PHF24: variants seen among roughly 807,000 people sequenced by gnomAD.
PHF24 encodes the protein Galpha inhibitory interacting protein.
In PHF24, 25 loss-of-function variants were observed where a neutral mutation model predicts 42.6. The ratio of observed to expected loss-of-function variants is 0.59; its 90% CI spans 0.43 to 0.82. The LOEUF (loss-of-function observed/expected upper bound fraction) is 0.82, where lower values mean the gene tolerates loss of function less well. PHF24 is among the 40% of genes least tolerant of loss of function. The pLI is 0.00. For missense variants in PHF24, 470 were observed against 538.1 expected (o/e 0.87, Z 1.25); for synonymous variants, 185 against 204.8 (o/e 0.90, Z 0.83).
chr9:34,852,554 T>G, the PHF24 span, among the ~76,000 whole-genome samples: 1 of 152,244 alleles, frequency 6.6e-6, no homozygotes, highest in Non-Finnish European at 1.5e-5. Flanking sequence ...AAAGTATAGT[T>G]CATTGTCAGT....
the PHF24 span, among the ~76,000 whole-genome samples, chr9:34,764,721 T>C: frequency 1.3e-5 from 2 of 152,170 alleles, no homozygotes; most frequent in African/African-American, 4.8e-5. Flanking sequence ...TGATTTTAGT[T>C]ATTTCTTGCC....
At chr9:34,814,356 A>C in the PHF24 span, among the ~76,000 whole-genome samples, 1 of 152,226 alleles carries the variant, frequency 6.6e-6, no homozygotes, top group Non-Finnish European at 1.5e-5. Flanking sequence ...CAAGAATGCA[A>C]GGTTCTGACT....
chr9:34,697,383 G>A, the PHF24 span, among the ~76,000 whole-genome samples: 180 of 152,178 alleles, frequency 1.2e-3, 2 homozygotes, highest in Non-Finnish European at 1.6e-3. Flanking sequence ...GCAATGGCAC[G>A]ATCTCTGCTC....
At chr9:34,832,641 C>A in the PHF24 span, 1 of 1,540,442 alleles carries the variant, frequency 6.5e-7, no homozygotes, top group Non-Finnish European at 8.8e-7. Context: ...GGGGTTAATA[C>A]ACTCCAGAAA....
the PHF24 span, among the ~76,000 whole-genome samples, chr9:34,864,240 G>T: frequency 6.6e-6 from 1 of 152,152 alleles, no homozygotes; most frequent in Non-Finnish European, 1.5e-5. Context: ...TATTCAAAGG[G>T]ATAATAACAG....
At chr9:34,898,048 C>A in the PHF24 span, among the ~76,000 whole-genome samples, 1 of 152,096 alleles carries the variant, frequency 6.6e-6, no homozygotes, top group African/African-American at 2.4e-5. Flanking sequence ...TATATATATA[C>A]CACAGTTTCT....
chr9:34,892,888 C>T, the PHF24 span: 1 of 699,992 alleles, frequency 1.4e-6, no homozygotes, highest in South Asian at 1.5e-5. Flanking sequence ...TTAATTGTGA[C>T]AGTGTTGGAG....
At chr9:34,766,222 T>C in the PHF24 span, among the ~76,000 whole-genome samples, 3 of 152,234 alleles carry the variant, frequency 2.0e-5, no homozygotes, top group African/African-American at 7.2e-5. Context: ...GTGTTCTCTG[T>C]ATTTCCTGAA....
chr9:34,922,968 G>A, the PHF24 span: 42 of 1,179,404 alleles, frequency 3.6e-5, no homozygotes, highest in Non-Finnish European at 4.7e-5. Context: ...GCATGGCCTC[G>A]CCCCAGTCTA....
the PHF24 span, among the ~76,000 whole-genome samples, chr9:34,900,224 G>A: frequency 3.5e-5 from 5 of 144,500 alleles, no homozygotes; most frequent in African/African-American, 1.3e-4. Context: ...AGGAACTTTG[G>A]GAAAAAAGAG....
In PHF24 at chr9:34,976,116, T is replaced by C. The variant is rs370410913; in HGVS notation, c.565-36T>C. 2.4e-4 allele frequency: 361 copies of C among 1,506,688 alleles called. 2 individuals are homozygous for C. The South Asian group carries it at 3.5e-3, about 14-fold the overall frequency. 93.3% of individuals were successfully genotyped at this position (1,506,688 alleles called of 1,614,324 possible). On this transcript the variant is annotated intron_variant, in intron 3 of 7. Coordinates refer to ENST00000242315, the Ensembl canonical transcript of PHF24. ...TTGACCCTGGCCTTTCTTACTGGCC[T>C]GTATGGCCACCGACTCAGCTCTTCC... is the stretch of plus-strand genomic sequence containing the variant.
chr9:34,724,834 C>T, the PHF24 span: 596 of 1,548,370 alleles, frequency 3.8e-4, no homozygotes, highest in Admixed American at 7.5e-4. Context: ...TAGTGACTGC[C>T]GGGGCCAGGG....
At chr9:34,833,306 C>T in the PHF24 span, 1 of 1,551,416 alleles carries the variant, frequency 6.4e-7, no homozygotes, top group Non-Finnish European at 8.7e-7. Flanking sequence ...CATGTCCCCA[C>T]TGGGTTGTGA....
At chr9:34,905,025 G>A in the PHF24 span, among the ~76,000 whole-genome samples, 78 of 152,056 alleles carry the variant, frequency 5.1e-4, no homozygotes, top group African/African-American at 1.8e-3. Context: ...GGCCAGGTTC[G>A]TTGGAGTTAC....
chr9:34,762,012 C>G, the PHF24 span, among the ~76,000 whole-genome samples: 1 of 151,912 alleles, frequency 6.6e-6, no homozygotes, highest in Non-Finnish European at 1.5e-5. Flanking sequence ...CATGTCCCTA[C>G]AAAGGACATG....
At chr9:34,966,357 C>A (rs945167135) in intron 1 of PHF24, among the ~76,000 whole-genome samples, 1 of 152,118 alleles carries the variant, frequency 6.6e-6, no homozygotes. Flanking sequence ...GAGGCTGAGG[C>A]AGGGAATCAC....
At chr9:34,904,635 G>T in the PHF24 span, among the ~76,000 whole-genome samples, 3 of 151,094 alleles carry the variant, frequency 2.0e-5, no homozygotes, top group Non-Finnish European at 4.4e-5. Flanking sequence ...CTAGTATTTT[G>T]TTAAGGATTT....
the PHF24 span, among the ~76,000 whole-genome samples, chr9:34,791,589 A>G: frequency 2.0e-5 from 3 of 152,090 alleles, no homozygotes; most frequent in Non-Finnish European, 4.4e-5. Context: ...ATTTAAAAAA[A>G]AAAAAAAAGA....
chr9:34,701,225 G>A, the PHF24 span, among the ~76,000 whole-genome samples: 1 of 152,116 alleles, frequency 6.6e-6, no homozygotes, highest in Non-Finnish European at 1.5e-5. The surrounding 1 kb of genome is among the most constrained non-coding windows in gnomAD (Gnocchi z 5.8). Flanking sequence ...CTGAATGCGC[G>A]CGTACTAGCC....
Sources: gnomAD v4.1 joint callset for allele counts (sites outside exome capture counted in the v4.1 genomes callset) on GRCh38, gnomAD v4.1.1 for gene constraint, Gnocchi (gnomAD v3.1) non-coding constraint, MANE v1.5 for transcripts, NCBI Gene and HGNC (gene_info 2026-07-23, HGNC 2026-07-21) for gene names.